FRMD4A: variants seen among roughly 807,000 people sequenced by gnomAD.
FRMD4A encodes the protein FERM domain-containing protein 4A.
A neutral mutation model predicts 129.1 loss-of-function variants in FRMD4A; 29 were observed. That is an observed-to-expected ratio of 0.22 (90% CI 0.17 to 0.31). FRMD4A has a LOEUF of 0.31. Among genes scored for constraint, FRMD4A ranks in the 10% least tolerant of loss-of-function variants. FRMD4A has a pLI of 1.00. For missense variants in FRMD4A, 1,272 were observed against 1,375.8 expected (o/e 0.92, Z 1.19); for synonymous variants, 634 against 571.6 (o/e 1.11, Z -1.56).
At chr10:13,766,381 A>G (rs2092287803) in intron 6 of FRMD4A, among the ~76,000 whole-genome samples, 1 of 152,232 alleles carries the variant, frequency 6.6e-6, no homozygotes, top group Non-Finnish European at 1.5e-5. Flanking sequence ...CAGTGAAGAT[A>G]TCAAAAACAG....
At chr10:13,797,889 G>C (rs1228295753) in intron 4 of FRMD4A, among the ~76,000 whole-genome samples, 1 of 124,798 alleles carries the variant, frequency 8.0e-6, no homozygotes, top group South Asian at 2.7e-4. Context: ...CCTTTTTGAG[G>C]CTTCACTCAA....
Position 13,913,926 on chromosome 10 carries a change from G to A in FRMD4A, c.46-55014C>T, listed in dbSNP as rs546938511. ...AGCTCAGGATAGAGGACGGGGAGAC[G>A]CAGAGGCCTCTAAGAGACAACCATA... On this transcript the variant is annotated intron_variant, in intron 2 of 24. Coordinates refer to ENST00000357447, the MANE Select transcript of FRMD4A (RefSeq NM_018027.5). Among the ~76,000 whole-genome samples the A allele has an allele frequency of 3.9e-5, 6 of 152,282 alleles. No homozygotes were observed. In the East Asian group the frequency reaches 5.8e-4, roughly 15 times the overall value.
chr10:13,849,233 CTCCCAGCTTCTGCACACGCCT>C (rs1357676102), intron 3 of FRMD4A, among the ~76,000 whole-genome samples: 9 of 152,198 alleles, frequency 5.9e-5, no homozygotes, highest in Admixed American at 5.9e-4. Flanking sequence ...CCTCTGTCTG[CTCCCAGCTTCTGCACACGCCT>C]TCCCAGCCCT....
intron 2 of FRMD4A, among the ~76,000 whole-genome samples, chr10:14,096,628 A>C (rs527528061): frequency 7.9e-4 from 121 of 152,334 alleles, no homozygotes; most frequent in Non-Finnish European, 1.4e-3. Flanking sequence ...CTAAAGAGGG[A>C]AAGGTTGAAG....
At chr10:13,700,984 A>C (rs1387231896) in intron 14 of FRMD4A, among the ~76,000 whole-genome samples, 1 of 152,022 alleles carries the variant, frequency 6.6e-6, no homozygotes, top group East Asian at 1.9e-4. Flanking sequence ...TTCAAAAGGA[A>C]GATAGTATAC....
At chr10:14,180,382 T>C (rs756639710) in intron 2 of FRMD4A, among the ~76,000 whole-genome samples, 4 of 152,222 alleles carry the variant, frequency 2.6e-5, no homozygotes, top group Non-Finnish European at 5.9e-5. Context: ...CCCTCTCTTT[T>C]TCCCCAAGTA....
intron 2 of FRMD4A, among the ~76,000 whole-genome samples, chr10:14,004,770 G>A (rs551143292): frequency 2.0e-5 from 3 of 152,156 alleles, no homozygotes; most frequent in South Asian, 4.2e-4. Flanking sequence ...CTCTATCAAG[G>A]CCATATGACT....
intron 2 of FRMD4A, among the ~76,000 whole-genome samples, chr10:14,120,196 G>T (rs1423477855): frequency 6.6e-6 from 1 of 151,832 alleles, no homozygotes; most frequent in African/African-American, 2.4e-5. Context: ...TCGGCCTACC[G>T]ACATCTGTTT....
Position 13,725,078 on chromosome 10 carries a change from C to G in FRMD4A, c.759+12766G>C, listed in dbSNP as rs546478504. 2.0e-5 allele frequency among the ~76,000 whole-genome samples: 3 copies of G among 152,316 alleles called. No homozygotes were observed. In the South Asian group the frequency reaches 6.2e-4, roughly 32 times the overall value. On this transcript the variant is annotated intron_variant, in intron 12 of 24. Transcript: ENST00000357447. ...CATCCTTTCTTTCATTCATGACTCC[C>G]CTCTGGCTTTAAAATGAGCTTGCTT...
intron 2 of FRMD4A, among the ~76,000 whole-genome samples, chr10:14,313,047 C>T (rs1387961810): frequency 3.9e-5 from 6 of 151,992 alleles, no homozygotes; most frequent in Non-Finnish European, 2.9e-5. Context: ...AACTTGTAAA[C>T]GTATTTTTAT....
intron 2 of FRMD4A, among the ~76,000 whole-genome samples, chr10:14,197,082 C>T (rs1842492135): frequency 6.6e-6 from 1 of 152,152 alleles, no homozygotes; most frequent in African/African-American, 2.4e-5. Context: ...ATATTTAAGC[C>T]AGCTCAGAAA....
chr10:14,297,743 T>C (rs1846054843), intron 2 of FRMD4A, among the ~76,000 whole-genome samples: 1 of 152,104 alleles, frequency 6.6e-6, no homozygotes, highest in Non-Finnish European at 1.5e-5. Context: ...ACATAAGATA[T>C]TCAGGACAGT....
intron 2 of FRMD4A, among the ~76,000 whole-genome samples, chr10:13,976,289 G>C (rs1030070028): frequency 1.3e-5 from 2 of 152,302 alleles, no homozygotes; most frequent in South Asian, 4.1e-4. Context: ...ACTTGGGCTG[G>C]GAGCCCTAAC....
At chr10:14,289,549 G>A (rs767237438) in intron 2 of FRMD4A, among the ~76,000 whole-genome samples, 4 of 152,042 alleles carry the variant, frequency 2.6e-5, no homozygotes, top group Non-Finnish European at 5.9e-5. Context: ...TCAGATACAT[G>A]TTTTGCAAAT....
At chr10:13,923,827 G>T (rs1046084477) in intron 2 of FRMD4A, among the ~76,000 whole-genome samples, 2 of 152,208 alleles carry the variant, frequency 1.3e-5, no homozygotes, top group Non-Finnish European at 2.9e-5. Context: ...GAGTCTCTGT[G>T]ATGTGCCAGC....
intron 13 of FRMD4A, among the ~76,000 whole-genome samples, chr10:13,705,835 T>TTC (rs1164545457): frequency 1.1e-4 from 16 of 152,212 alleles, no homozygotes; most frequent in African/African-American, 3.9e-4. Context: ...TCAGCTGCTC[T>TTC]CCACTAACTA....
Position 13,965,593 on chromosome 10 carries a change from C to G in FRMD4A, c.46-106681G>C, listed in dbSNP as rs2095480747. Among the ~76,000 whole-genome samples the G allele has an allele frequency of 1.3e-5, 2 of 152,222 alleles. 1 individual carries two copies. Among genetic ancestry groups the G allele is most frequent in the South Asian group, 4.1e-4 (2 of 4,826 alleles). On this transcript the variant is annotated intron_variant, in intron 2 of 24. Coordinates refer to ENST00000357447, the MANE Select transcript of FRMD4A (RefSeq NM_018027.5). ...TGTTTAGAAGGCACATATCTGTAAT[C>G]TTACTCTCAACAGCATGTTCTGCAA...
chr10:14,038,094 G>A (rs976490117), intron 2 of FRMD4A, among the ~76,000 whole-genome samples: 2 of 152,098 alleles, frequency 1.3e-5, no homozygotes, highest in Non-Finnish European at 2.9e-5. Context: ...AGGCCGAGGC[G>A]GGTGGATCAC....
In FRMD4A at chr10:14,185,609, A is replaced by G. The variant is rs11258927; in HGVS notation, c.45+144449T>C. Among the ~76,000 whole-genome samples the G allele has an allele frequency of 7.1e-3, 1,000 of 140,144 alleles. 8 individuals are homozygous for G. The highest frequency in any genetic ancestry group is 0.025 in the African/African-American group (955 of 38,454). 91.9% of individuals were successfully genotyped at this position (140,144 alleles called of 152,430 possible). A position where few individuals can be genotyped will look rare whatever the true frequency, so the allele number is the denominator to read the frequency against. The stretch of plus-strand genomic sequence containing the variant: ...AAGAAAGAGAAACAGGTAGAGAGAC[A>G]GAAAGGGGATATATACTTCATGGTC... On this transcript the variant is annotated intron_variant, in intron 2 of 24. Transcript: ENST00000357447.
Sources: gnomAD v4.1 joint callset for allele counts (sites outside exome capture counted in the v4.1 genomes callset) on GRCh38, gnomAD v4.1.1 for gene constraint, MANE v1.5 for transcripts, NCBI Gene and HGNC (gene_info 2026-07-23, HGNC 2026-07-21) for gene names.